Variants in CTNNA3 observed in about 807,000 individuals in gnomAD.
The protein encoded by CTNNA3 is catenin alpha-3.
CTNNA3 carries 76 observed loss-of-function variants against 95.7 expected under a neutral mutation model. The ratio of observed to expected loss-of-function variants is 0.79; its 90% CI spans 0.66 to 0.96. The LOEUF (loss-of-function observed/expected upper bound fraction) is 0.96. CTNNA3 is among the 40% of genes least tolerant of loss of function. The pLI, the probability that CTNNA3 is intolerant of heterozygous loss-of-function variation, is 0.00. For synonymous variants in CTNNA3, 431 were observed against 374.4 expected, an observed-to-expected ratio of 1.15 and a Z score of -1.74; for missense variants, 1,191 against 1,089.8, an observed-to-expected ratio of 1.09 and a Z score of -1.31.
chr10:67,753,502 A>G (rs576131553), intron 1 of CTNNA3, among the ~76,000 whole-genome samples: 15 of 152,364 alleles, frequency 9.8e-5, no homozygotes, highest in Admixed American at 7.2e-4. Flanking sequence ...GCACAGCAAA[A>G]GAAACTATCA....
At chr10:67,255,383 T>C (rs1866305306) in intron 5 of CTNNA3, among the ~76,000 whole-genome samples, 1 of 152,120 alleles carries the variant, frequency 6.6e-6, no homozygotes, top group Admixed American at 6.5e-5. Context: ...CAAAATTCTC[T>C]AATTGTATCT....
At chr10:67,726,020 A>G (rs1409471729) in intron 1 of CTNNA3, among the ~76,000 whole-genome samples, 1 of 134,518 alleles carries the variant, frequency 7.4e-6, no homozygotes, top group African/African-American at 2.8e-5. Context: ...AAATCCACAT[A>G]TTTATAAATG....
chr10:66,533,938 A>G (rs928517522), intron 10 of CTNNA3, among the ~76,000 whole-genome samples: 2 of 152,120 alleles, frequency 1.3e-5, no homozygotes, highest in Non-Finnish European at 2.9e-5. Flanking sequence ...TAATGTACGT[A>G]TCATTTTATT....
chr10:67,675,361 G>T (rs1031976976), intron 1 of CTNNA3, among the ~76,000 whole-genome samples: 2 of 152,154 alleles, frequency 1.3e-5, no homozygotes, highest in Admixed American at 6.5e-5. Context: ...GTTGGCTAAA[G>T]ATTGGCTAAT....
In CTNNA3 at chr10:66,309,664, C is replaced by A. The variant is rs1488677062; in HGVS notation, c.1733-29043G>T. On this transcript the variant is annotated intron_variant, in intron 12 of 17. Transcript: ENST00000433211. Reference sequence around the variant, plus strand: ...TCGCGCCACTGCACTCCAGCCTAGGCGGCAGAGCGAGACTCCGTCTCAAAA... The same window carrying A: ...TCGCGCCACTGCACTCCAGCCTAGGAGGCAGAGCGAGACTCCGTCTCAAAA... 6.1e-5 allele frequency among the ~76,000 whole-genome samples: 7 copies of A among 114,332 alleles called. No individual in the cohort carries two copies. The Admixed American group carries it at 8.8e-4, about 14-fold the overall frequency. 75.0% of individuals were successfully genotyped at this position (114,332 alleles called of 152,430 possible).
intron 11 of CTNNA3, among the ~76,000 whole-genome samples, chr10:66,474,317 T>C (rs966372472): frequency 3.0e-4 from 45 of 152,090 alleles, no homozygotes; most frequent in African/African-American, 1.1e-3. Flanking sequence ...TATTTGTCTT[T>C]CTGTGACTGG....
At chr10:66,559,644 T>A (rs902234723) in intron 10 of CTNNA3, among the ~76,000 whole-genome samples, 8 of 151,848 alleles carry the variant, frequency 5.3e-5, no homozygotes, top group Non-Finnish European at 2.9e-5. Context: ...CACCCCCCGC[T>A]CGGGTATCAC....
intron 7 of CTNNA3, among the ~76,000 whole-genome samples, chr10:66,959,214 T>C (rs563840677): frequency 8.5e-5 from 13 of 152,192 alleles, no homozygotes; most frequent in Non-Finnish European, 1.3e-4. Context: ...CAATCTTTTA[T>C]TCTCTTCAAA....
intron 7 of CTNNA3, among the ~76,000 whole-genome samples, chr10:67,006,115 A>G (rs1419955396): frequency 6.6e-6 from 1 of 152,102 alleles, no homozygotes; most frequent in East Asian, 1.9e-4. Context: ...CAACTTTGCA[A>G]CTATCTTGCA....
In CTNNA3 at chr10:67,219,796, C is replaced by T. The variant is rs371330302; in HGVS notation, c.654G>A (p.Leu218=). ...RASLKENSPL[L]HSICSACLEH... ...CCAAACAAGCTGAACAAATTGAATG[C>T]AAGAGGGGAGAGTTCTCCTTCAGTG... The change falls in exon 6 of 18, where the codon TTG becomes TTA. Residue 218 remains leucine, a synonymous_variant. Transcript: ENST00000433211. 5 of 1,613,854 alleles carry T rather than the reference C, an allele frequency of 3.1e-6. No homozygotes were observed. The highest frequency in any genetic ancestry group is 4.2e-6 in the Non-Finnish European group (5 of 1,179,958).
intron 6 of CTNNA3, among the ~76,000 whole-genome samples, chr10:67,203,760 T>A (rs1208122572): frequency 6.6e-6 from 1 of 152,228 alleles, no homozygotes; most frequent in Non-Finnish European, 1.5e-5. Flanking sequence ...GTCCCTTCCA[T>A]GACAAAATAT....
At chr10:67,370,995 T>A (rs1843420866) in intron 5 of CTNNA3, among the ~76,000 whole-genome samples, 1 of 149,450 alleles carries the variant, frequency 6.7e-6, no homozygotes, top group African/African-American at 2.4e-5. Flanking sequence ...GCCTCCCAAG[T>A]AGCTGGGACT....
chr10:66,369,130 A>C (rs904515086), intron 12 of CTNNA3, among the ~76,000 whole-genome samples: 4 of 152,154 alleles, frequency 2.6e-5, no homozygotes, highest in Non-Finnish European at 5.9e-5. Context: ...TTTCAGGAGA[A>C]GAAATCTCTT....
intron 1 of CTNNA3, among the ~76,000 whole-genome samples, chr10:67,728,082 TATATA>T (rs1220684414): frequency 3.6e-5 from 5 of 140,456 alleles, no homozygotes; most frequent in African/African-American, 1.4e-4. Context: ...TATTATATAT[TATATA>T]ATATGTAATA....
chr10:66,540,969 T>TA (rs1490249052), intron 10 of CTNNA3, among the ~76,000 whole-genome samples: 1 of 152,080 alleles, frequency 6.6e-6, no homozygotes, highest in Non-Finnish European at 1.5e-5. Flanking sequence ...ATATCCACTA[T>TA]AAAAAAAGTC....
chr10:66,071,916 A>G (rs372339903), intron 14 of CTNNA3, among the ~76,000 whole-genome samples: 2 of 152,276 alleles, frequency 1.3e-5, no homozygotes, highest in African/African-American at 4.8e-5. Flanking sequence ...CCAATTGCCT[A>G]TTAGGCATTT....
rs879499520 is a variant in CTNNA3 at position 66,153,852 on chromosome 10, C to T, written c.1885-50603G>A. ...TCTGATACTTAATAATTTGTTTACA[C>T]ACACACACACACACACACACACACA... On this transcript the variant is annotated intron_variant, in intron 13 of 17. Coordinates refer to ENST00000433211, the MANE Select transcript of CTNNA3 (RefSeq NM_013266.4). Among the ~76,000 whole-genome samples the T allele has an allele frequency of 4.6e-3, 544 of 117,412 alleles. 1 individual carries two copies. Among genetic ancestry groups the T allele is most frequent in the Non-Finnish European group, 5.1e-3 (293 of 57,240 alleles). 77.0% of individuals were successfully genotyped at this position (117,412 alleles called of 152,430 possible). A position where few individuals can be genotyped will look rare whatever the true frequency, so the allele number is the denominator to read the frequency against.
At chr10:66,000,041 T>C (rs1292825481) in intron 15 of CTNNA3, among the ~76,000 whole-genome samples, 1 of 152,122 alleles carries the variant, frequency 6.6e-6, no homozygotes, top group Non-Finnish European at 1.5e-5. Context: ...CATTATCTCG[T>C]ACACAATAAA....
intron 12 of CTNNA3, among the ~76,000 whole-genome samples, chr10:66,314,311 T>A (rs2092068149): frequency 6.6e-6 from 1 of 152,144 alleles, no homozygotes; most frequent in African/African-American, 2.4e-5. Flanking sequence ...AGGCCCAAGG[T>A]TGCCAAATGT....
Sources: gnomAD v4.1 joint callset for allele counts (sites outside exome capture counted in the v4.1 genomes callset) on GRCh38, gnomAD v4.1.1 for gene constraint, MANE v1.5 for transcripts, NCBI Gene and HGNC (gene_info 2026-07-23, HGNC 2026-07-21) for gene names.